The following PLCXD2 variants were observed in gnomAD, a reference collection of about 807,000 sequenced individuals.
The protein encoded by PLCXD2 is PI-PLC X domain-containing protein 2.
In PLCXD2, 21 loss-of-function variants were observed where a neutral mutation model predicts 28.6. That is an observed-to-expected ratio of 0.73 (90% CI 0.52 to 1.06). The LOEUF is 1.06. PLCXD2 is among the 50% of genes least tolerant of loss of function. The pLI is 0.00. For synonymous variants in PLCXD2, 140 were observed against 150.1 expected, an observed-to-expected ratio of 0.93 and a Z score of 0.49; for missense variants, 369 against 376.7, an observed-to-expected ratio of 0.98 and a Z score of 0.17.
chr3:111,680,768 C>T (rs557377841), intron 1 of PLCXD2, among the ~76,000 whole-genome samples: 12 of 152,256 alleles, frequency 7.9e-5, no homozygotes, highest in African/African-American at 2.2e-4. Flanking sequence ...CTGATTCTGC[C>T]CTTTACAAGC....
chr3:111,688,134 A>C (rs957069456), intron 1 of PLCXD2, among the ~76,000 whole-genome samples: 1 of 152,184 alleles, frequency 6.6e-6, no homozygotes, highest in Non-Finnish European at 1.5e-5. Flanking sequence ...TAGTTTTTTC[A>C]TCTGTAAAAT....
intron 1 of PLCXD2, chr3:111,677,344 A>C (rs1221680988): frequency 6.6e-6 from 1 of 152,180 alleles, no homozygotes; most frequent in Non-Finnish European, 1.5e-5. Flanking sequence ...CATACTCACC[A>C]GATAAAAGCT....
At chr3:111,715,565 T>TA (rs1352813620) in intron 3 of PLCXD2, among the ~76,000 whole-genome samples, 1 of 152,220 alleles carries the variant, frequency 6.6e-6, no homozygotes, top group Admixed American at 6.5e-5. Flanking sequence ...AAGGATAAGT[T>TA]ATATCTGTAT....
intron 3 of PLCXD2, chr3:111,722,075 T>G (rs890987752): frequency 1.3e-5 from 2 of 152,188 alleles, no homozygotes; most frequent in Non-Finnish European, 2.9e-5. Context: ...TTCTGCAGGT[T>G]GTTTTGAGCC....
At chr3:111,724,889 G>C in intron 3 of PLCXD2, 1 of 152,208 alleles carries the variant, frequency 6.6e-6, no homozygotes, top group East Asian at 1.9e-4. Flanking sequence ...TGAAGATGCT[G>C]TCTGCTACTT....
intron 2 of PLCXD2, among the ~76,000 whole-genome samples, chr3:111,710,011 G>C (rs1306202512): frequency 1.3e-5 from 2 of 152,206 alleles, no homozygotes; most frequent in Non-Finnish European, 2.9e-5. Flanking sequence ...GCATCTGTCA[G>C]AAGGTAGAGC....
At chr3:111,680,533 TC>T (rs1046772348) in intron 1 of PLCXD2, among the ~76,000 whole-genome samples, 27 of 152,076 alleles carry the variant, frequency 1.8e-4, no homozygotes, top group Non-Finnish European at 3.7e-4. Context: ...TTTTGCTTTT[TC>T]CCCCCTCTGA....
At chr3:111,718,522 TA>T (rs1559799077) in intron 3 of PLCXD2, among the ~76,000 whole-genome samples, 12 of 134,628 alleles carry the variant, frequency 8.9e-5, no homozygotes, top group African/African-American at 3.0e-4. Flanking sequence ...GATAGATAGA[TA>T]GATAGATAGA....
intron 1 of PLCXD2, among the ~76,000 whole-genome samples, chr3:111,685,797 T>G (rs1368568158): frequency 2.6e-5 from 4 of 152,224 alleles, no homozygotes; most frequent in African/African-American, 4.8e-5. Context: ...TTCTTGTGAA[T>G]GAATTATCTA....
At chr3:111,675,918 G>C (rs1559789228) in intron 1 of PLCXD2, among the ~76,000 whole-genome samples, 1 of 152,210 alleles carries the variant, frequency 6.6e-6, no homozygotes, top group African/African-American at 2.4e-5. Context: ...ACACATTTTT[G>C]TTGTTAGAAA....
intron 3 of PLCXD2, among the ~76,000 whole-genome samples, chr3:111,718,531 AGATT>A (rs10544870): frequency 0.36 from 40,862 of 112,056 alleles, 5,853 homozygotes; most frequent in Non-Finnish European, 0.38. Context: ...ATAGATAGAT[AGATT>A]GATTGATTTA....
At chr3:111,726,524 T>C (rs905538588) in intron 3 of PLCXD2, 1 of 152,210 alleles carries the variant, frequency 6.6e-6, no homozygotes, top group African/African-American at 2.4e-5. Flanking sequence ...TTGCTTGTTT[T>C]ACAGTATGGT....
chr3:111,712,739 T>C (rs531361754), intron 2 of PLCXD2, among the ~76,000 whole-genome samples: 1 of 152,276 alleles, frequency 6.6e-6, no homozygotes, highest in South Asian at 2.1e-4. Flanking sequence ...TGTGGCCAAC[T>C]ATCCGGGGAT....
chr3:111,675,304 A>T lies in PLCXD2; in HGVS notation c.59A>T (p.Asn20Ile). ...AGGATGGGGACCATCTGCTCCCCCA[A>T]CCCCAGCGGGACAAAGACATCATCG... Residue 20 changes from asparagine (N) to isoleucine (I), a missense_variant, in exon 1 of 5, where the codon AAC (asparagine) becomes ATC (isoleucine). Asn to Ile is a moderately radical substitution (Grantham distance 149). Coordinates refer to ENST00000477665, the MANE Select transcript of PLCXD2 (RefSeq NM_001185106.1). 1 of 1,613,972 alleles carries T rather than the reference A, an allele frequency of 6.2e-7. No individual in the cohort carries two copies. Among genetic ancestry groups the T allele is most frequent in the Non-Finnish European group, 8.5e-7 (1 of 1,179,966 alleles).
intron 3 of PLCXD2, chr3:111,726,895 T>C (rs1001416931): frequency 1.3e-5 from 2 of 152,208 alleles, no homozygotes; most frequent in Admixed American, 6.5e-5. Flanking sequence ...TTGGCAGGCA[T>C]TTTTTCCTTT....
At chr3:111,714,325 A>T (rs1473841285) in intron 3 of PLCXD2, among the ~76,000 whole-genome samples, 197 bp downstream of exon 3, 3 of 152,242 alleles carry the variant, frequency 2.0e-5, no homozygotes, top group Admixed American at 6.5e-5. Context: ...CACTTTGTTC[A>T]TAAGTACACA....
At chr3:111,724,176 T>C (rs1235168567) in intron 3 of PLCXD2, 2 of 152,180 alleles carry the variant, frequency 1.3e-5, no homozygotes, top group East Asian at 1.9e-4. Flanking sequence ...TGGAAGGGAA[T>C]AAGTTATTGA....
At chr3:111,712,827 T>C in intron 2 of PLCXD2, among the ~76,000 whole-genome samples, 1 of 152,204 alleles carries the variant, frequency 6.6e-6, no homozygotes, top group South Asian at 2.1e-4. Context: ...GGGAAAAATA[T>C]ATTCCTTTAG....
At chr3:111,705,416 A>G (rs1192023594) in intron 1 of PLCXD2, among the ~76,000 whole-genome samples, 3 of 152,080 alleles carry the variant, frequency 2.0e-5, no homozygotes, top group Non-Finnish European at 4.4e-5. Context: ...TTGGTTGATG[A>G]ATATTTAGGT....
Sources: allele counts gnomAD v4.1 joint callset (sites outside exome capture counted in the v4.1 genomes callset), GRCh38; gene constraint gnomAD v4.1.1; transcripts MANE v1.5; gene names NCBI Gene and HGNC (gene_info 2026-07-23, HGNC 2026-07-21).